Variants in CNTN4 observed in about 807,000 individuals in gnomAD.
The protein encoded by CNTN4 is contactin-4.
A neutral mutation model predicts 122.5 loss-of-function variants in CNTN4; 77 were observed. The ratio of observed to expected loss-of-function variants is 0.63; its 90% CI spans 0.52 to 0.76. CNTN4 has a LOEUF of 0.76. Ranked by LOEUF, CNTN4 falls within the 30% of genes least tolerant of loss-of-function variation. CNTN4 has a pLI of 0.00. For missense variants in CNTN4, 1,256 were observed against 1,259.1 expected, an observed-to-expected ratio of 1.00 and a Z score of 0.04; for synonymous variants, 512 against 447.0, an observed-to-expected ratio of 1.15 and a Z score of -1.83.
chr3:2,554,938 A>T (rs1346122715), intron 3 of CNTN4, among the ~76,000 whole-genome samples: 2 of 152,214 alleles, frequency 1.3e-5, no homozygotes, highest in Admixed American at 6.5e-5. Context: ...TGCTGCACAG[A>T]ATGCCTTTCT....
At chr3:2,994,554 C>T (rs1695345252) in intron 14 of CNTN4, among the ~76,000 whole-genome samples, 1 of 149,154 alleles carries the variant, frequency 6.7e-6, no homozygotes, top group African/African-American at 2.5e-5. Flanking sequence ...ATTGTTCACC[C>T]CATAGAAAGT....
chr3:2,637,313 T>C (rs1244365005), intron 4 of CNTN4, among the ~76,000 whole-genome samples: 1 of 152,144 alleles, frequency 6.6e-6, no homozygotes, highest in African/African-American at 2.4e-5. Context: ...GTACAATTTG[T>C]AAGTGAATGG....
At chr3:2,696,830 A>G (rs946627926) in intron 4 of CNTN4, among the ~76,000 whole-genome samples, 6 of 148,448 alleles carry the variant, frequency 4.0e-5, no homozygotes, top group African/African-American at 1.2e-4. Flanking sequence ...CATCCATTTC[A>G]TAAGAGTTGT....
intron 3 of CNTN4, among the ~76,000 whole-genome samples, chr3:2,493,796 G>A (rs1292267328): frequency 6.6e-6 from 1 of 152,218 alleles, no homozygotes; most frequent in African/African-American, 2.4e-5. Flanking sequence ...CTTCAGAGAT[G>A]TTTCTGGGGA....
At chr3:2,746,275 T>G (rs1029917289) in intron 6 of CNTN4, among the ~76,000 whole-genome samples, 1 of 152,114 alleles carries the variant, frequency 6.6e-6, no homozygotes, top group Non-Finnish European at 1.5e-5. Flanking sequence ...TTGAAAAAAT[T>G]TAAAGCAACT....
chr3:2,194,074 C>G (rs1270080983), intron 2 of CNTN4, among the ~76,000 whole-genome samples: 2 of 152,086 alleles, frequency 1.3e-5, no homozygotes, highest in African/African-American at 2.4e-5. Context: ...AAAAATGTCC[C>G]TGTTTAGAGG....
At chr3:2,106,472 G>A (rs536438566) in intron 2 of CNTN4, among the ~76,000 whole-genome samples, 5 of 152,336 alleles carry the variant, frequency 3.3e-5, no homozygotes, top group East Asian at 1.9e-4. Flanking sequence ...CCCACAGGAC[G>A]AACACCATGT....
chr3:2,956,560 T>C (rs1260172372), intron 13 of CNTN4, among the ~76,000 whole-genome samples: 2 of 152,116 alleles, frequency 1.3e-5, no homozygotes, highest in Non-Finnish European at 2.9e-5. Flanking sequence ...GGAATGTTAC[T>C]TCTTTTTTAT....
chr3:2,350,401 A>G (rs375251372), intron 3 of CNTN4, among the ~76,000 whole-genome samples: 22 of 152,298 alleles, frequency 1.4e-4, no homozygotes, highest in African/African-American at 4.6e-4. Context: ...ACAGGAAAAT[A>G]AAAGCTTCCA....
intron 3 of CNTN4, among the ~76,000 whole-genome samples, chr3:2,464,366 T>C (rs1480757726): frequency 6.6e-6 from 1 of 152,226 alleles, no homozygotes; most frequent in African/African-American, 2.4e-5. Context: ...ACTAGTCTTT[T>C]TGGTTTGTTG....
intron 2 of CNTN4, among the ~76,000 whole-genome samples, chr3:2,192,959 C>T (rs1457401661): frequency 6.6e-6 from 1 of 152,144 alleles, no homozygotes; most frequent in Admixed American, 6.6e-5. Context: ...TACAGCTTCA[C>T]TATTAAGATG....
intron 7 of CNTN4, among the ~76,000 whole-genome samples, chr3:2,857,396 A>G (rs1682724076): frequency 6.6e-6 from 1 of 152,210 alleles, no homozygotes; most frequent in Non-Finnish European, 1.5e-5. Flanking sequence ...TCTTTGTAAA[A>G]TATGGTGATA....
chr3:2,123,375 A>G (rs985309638), intron 2 of CNTN4, among the ~76,000 whole-genome samples: 2 of 152,168 alleles, frequency 1.3e-5, no homozygotes, highest in African/African-American at 2.4e-5. Flanking sequence ...CATCATTGCA[A>G]TTGACCATCA....
intron 4 of CNTN4, among the ~76,000 whole-genome samples, chr3:2,726,218 C>T (rs1460859881): frequency 1.3e-5 from 2 of 152,056 alleles, no homozygotes; most frequent in African/African-American, 2.4e-5. Context: ...GGGTTTTTTC[C>T]TTGTAGTTTT....
intron 4 of CNTN4, among the ~76,000 whole-genome samples, chr3:2,726,997 C>G (rs918736975): frequency 2.0e-5 from 3 of 152,088 alleles, no homozygotes; most frequent in Admixed American, 1.3e-4. Context: ...AAATAAAGTT[C>G]TATTAATTAA....
intron 3 of CNTN4, among the ~76,000 whole-genome samples, chr3:2,425,895 A>T (rs1040468076): frequency 3.3e-5 from 5 of 152,070 alleles, no homozygotes; most frequent in Admixed American, 2.6e-4. Flanking sequence ...TAAGAATGCT[A>T]GTGATTTTTG....
chr3:2,153,424 A>G (rs2035579953), intron 2 of CNTN4, among the ~76,000 whole-genome samples: 1 of 152,258 alleles, frequency 6.6e-6, no homozygotes, highest in Non-Finnish European at 1.5e-5. Context: ...AGAATTGGTC[A>G]TTGGATGTGG....
intron 6 of CNTN4, among the ~76,000 whole-genome samples, chr3:2,790,411 T>C (rs1206520261): frequency 2.0e-5 from 3 of 152,222 alleles, no homozygotes; most frequent in Admixed American, 2.0e-4. Context: ...CTTGCTATTT[T>C]TTCTGAAAGA....
intron 4 of CNTN4, among the ~76,000 whole-genome samples, chr3:2,643,035 A>G (rs1331116210): frequency 6.6e-6 from 1 of 152,216 alleles, no homozygotes; most frequent in Non-Finnish European, 1.5e-5. Flanking sequence ...TTAAAACATT[A>G]TACACAACTC....
Sources: allele counts gnomAD v4.1 joint callset (sites outside exome capture counted in the v4.1 genomes callset), GRCh38; gene constraint gnomAD v4.1.1; transcripts MANE v1.5; gene names NCBI Gene and HGNC (gene_info 2026-07-23, HGNC 2026-07-21).